Variants in PRR33 observed in about 807,000 individuals in gnomAD.
The protein encoded by PRR33 is proline-rich protein 33.
In PRR33, 1 loss-of-function variant was observed where a neutral mutation model predicts 0.5. The observed-to-expected ratio is 2.18, with a 90% CI of 0.77 to 10.34. The LOEUF (loss-of-function observed/expected upper bound fraction) is 10.34, where lower values mean the gene tolerates loss of function less well. PRR33 is among the 30% of genes most tolerant of loss of function. The pLI is 0.13. For synonymous variants in PRR33, 226 were observed against 110.0 expected (o/e 2.06, Z -6.60); for missense variants, 552 against 251.8 (o/e 2.19, Z -8.07).
rs563673015 is a variant in PRR33 at position 1,890,476 on chromosome 11, G to T, written c.109C>A (p.Arg37Ser). 6.2e-4 allele frequency: 445 copies of T among 717,264 alleles called. 3 individuals carry two copies. The African/African-American group carries it at 6.7e-3, about 11-fold the overall frequency. The allele number at this position is 717,264 out of a possible 1,614,324, so 44.4% of individuals were successfully genotyped here. ...GCCTTCCTCAGGAGCTTCTGCAAAC[G>T]CAAGTTGTCCTTCCCTGGCTTGGGC... The change falls in exon 1 of 1, where the codon CGT becomes AGT. Residue 37 changes from arginine to serine, a missense_variant. Transcript: ENST00000640310.
chr11:1,890,169 CG>C, the PRR33 span: 1 of 717,020 alleles, frequency 1.4e-6, no homozygotes, highest in East Asian at 2.7e-5. Flanking sequence ...TAGAATCCTG[CG>C]CTGGGTGAGG....
the PRR33 span, among the ~76,000 whole-genome samples, chr11:1,906,394 T>C: frequency 9.3e-4 from 141 of 152,330 alleles, no homozygotes; most frequent in Non-Finnish European, 1.7e-3. Context: ...CGTCCCACAG[T>C]TGGCTCTGAG....
At position 1,890,661 on chromosome 11, in the gene PRR33, G is replaced by A. The variant is rs11041696; in HGVS notation, c.-77C>T. The A allele has an allele frequency of 2.4e-3, 1,568 of 649,340 alleles. 5 individuals carry two copies. Among genetic ancestry groups the A allele is most frequent in the Middle Eastern group, 4.4e-3 (11 of 2,488 alleles). The allele number at this position is 649,340 out of a possible 1,614,324, so 40.2% of individuals were successfully genotyped here. A position where few individuals can be genotyped will look rare whatever the true frequency, so the allele number is the denominator to read the frequency against. On this transcript the variant is annotated 5_prime_UTR_variant, in exon 1 of 1. The change creates a premature stop within an existing upstream ORF in the 5' untranslated region. Coordinates refer to ENST00000640310, the Ensembl canonical transcript of PRR33. ...CTGAGGTGGGAGGCCTGTGTCTCCTGTGGTCCAAGGAGGACCTGGGGCCAG... is the reference window on the plus strand; with the variant it reads ...CTGAGGTGGGAGGCCTGTGTCTCCTATGGTCCAAGGAGGACCTGGGGCCAG...
At chr11:1,912,684 A>G in the PRR33 span, among the ~76,000 whole-genome samples, 2 of 151,730 alleles carry the variant, frequency 1.3e-5, no homozygotes, top group African/African-American at 4.8e-5. Context: ...GGCTCACCGC[A>G]ACCTCCGCTT....
chr11:1,893,461 A>C (rs952136849), upstream of PRR33, among the ~76,000 whole-genome samples: 12 of 149,434 alleles, frequency 8.0e-5, no homozygotes, highest in Non-Finnish European at 1.5e-4. Context: ...GGATGGATGG[A>C]TGGATGGGTT....
the PRR33 span, among the ~76,000 whole-genome samples, chr11:1,900,437 G>A: frequency 2.0e-5 from 3 of 152,222 alleles, no homozygotes; most frequent in South Asian, 2.1e-4. Flanking sequence ...TTAGAGTTCC[G>A]GGAATTTTTA....
the PRR33 span, among the ~76,000 whole-genome samples, chr11:1,903,663 G>A: frequency 4.0e-4 from 61 of 152,158 alleles, no homozygotes; most frequent in Admixed American, 2.6e-3. Context: ...AACATCTGCC[G>A]CGTCCGGGAC....
At chr11:1,914,601 T>TGC in the PRR33 span, among the ~76,000 whole-genome samples, 1 of 149,540 alleles carries the variant, frequency 6.7e-6, no homozygotes, top group African/African-American at 2.5e-5. Context: ...TGTGTGTGTG[T>TGC]GTGTGTGTTC....
the PRR33 span, among the ~76,000 whole-genome samples, chr11:1,913,304 T>G: frequency 1.4e-3 from 111 of 78,996 alleles, 1 homozygote; most frequent in East Asian, 0.023. Flanking sequence ...CTTTTTTGTT[T>G]TTTTTTTTTT....
exon 1 of PRR33, chr11:1,890,779 C>T (rs546191613): frequency 2.5e-4 from 150 of 596,402 alleles, no homozygotes; most frequent in African/African-American, 1.9e-3. Flanking sequence ...TTTGGGGTGG[C>T]CCCACCATCA....
At chr11:1,909,733 T>G in the PRR33 span, among the ~76,000 whole-genome samples, 1 of 152,022 alleles carries the variant, frequency 6.6e-6, no homozygotes, top group Non-Finnish European at 1.5e-5. Flanking sequence ...TCAGCCGTGG[T>G]GGTGTCATTG....
the PRR33 span, among the ~76,000 whole-genome samples, chr11:1,917,695 C>T: frequency 6.6e-6 from 1 of 152,260 alleles, no homozygotes. Flanking sequence ...TGCTACGCCT[C>T]AGGCCCAGCG....
At chr11:1,914,785 GTGGGGTGTACACACC>G in the PRR33 span, among the ~76,000 whole-genome samples, 1 of 146,972 alleles carries the variant, frequency 6.8e-6, no homozygotes, top group African/African-American at 2.5e-5. Context: ...TGTGTGGGTT[GTGGGGTGTACACACC>G]TGGGGAGATG....
upstream of PRR33, among the ~76,000 whole-genome samples, chr11:1,894,958 G>A (rs1002329702): frequency 1.1e-4 from 17 of 152,132 alleles, no homozygotes; most frequent in African/African-American, 3.6e-4. Context: ...AGACGTGGAG[G>A]GTGCGGTCTG....
At chr11:1,901,078 G>A in the PRR33 span, among the ~76,000 whole-genome samples, 6 of 152,206 alleles carry the variant, frequency 3.9e-5, no homozygotes, top group East Asian at 1.9e-4. Context: ...TTGGGAGGCC[G>A]AGGTGAGCAG....
chr11:1,898,656 A>G, the PRR33 span, among the ~76,000 whole-genome samples: 2 of 152,152 alleles, frequency 1.3e-5, no homozygotes, highest in East Asian at 3.9e-4. Flanking sequence ...TGTGATGTAG[A>G]GGAGTGGAGC....
At chr11:1,913,288 A>G in the PRR33 span, among the ~76,000 whole-genome samples, 2 of 142,470 alleles carry the variant, frequency 1.4e-5, no homozygotes, top group African/African-American at 2.6e-5. Context: ...CACCACGCCC[A>G]GCTAACTTTT....
chr11:1,902,004 G>A, the PRR33 span, among the ~76,000 whole-genome samples: 4 of 152,012 alleles, frequency 2.6e-5, no homozygotes, highest in Non-Finnish European at 5.9e-5. Context: ...AGGCCGAGGC[G>A]GGTGGATCAT....
chr11:1,890,547 C>A, exon 1 of PRR33: 1 of 713,766 alleles, frequency 1.4e-6, no homozygotes, highest in Non-Finnish European at 2.6e-6. Context: ...GCTTGGGCCG[C>A]ACACCTCGGG....
Sources: allele counts gnomAD v4.1 joint callset (sites outside exome capture counted in the v4.1 genomes callset), GRCh38; gene constraint gnomAD v4.1.1; transcripts MANE v1.5; gene names NCBI Gene and HGNC (gene_info 2026-07-23, HGNC 2026-07-21).